Variants in BLOC1S2 observed in about 807,000 individuals in gnomAD.
BLOC1S2 encodes the protein biogenesis of lysosomal organelles complex 1 subunit 2.
A neutral mutation model predicts 19.6 loss-of-function variants in BLOC1S2; 12 were observed. The observed-to-expected ratio is 0.61, with a 90% CI of 0.39 to 0.99. The LOEUF is 0.99. Among genes scored for constraint, BLOC1S2 ranks in the 50% least tolerant of loss-of-function variants. BLOC1S2 has a pLI of 0.00. For synonymous variants in BLOC1S2, 66 were observed against 64.1 expected (o/e 1.03, Z -0.14); for missense variants, 142 against 171.0 (o/e 0.83, Z 0.95).
In BLOC1S2 at chr10:100,286,215, T is replaced by C; in HGVS notation, c.56-2A>G. 6.2e-7 allele frequency: 1 copy of C among 1,613,816 alleles called. No individual in the cohort carries two copies. Among genetic ancestry groups the C allele is most frequent in the Non-Finnish European group, 8.5e-7 (1 of 1,179,852 alleles). On this transcript the variant is annotated splice_acceptor_variant, in intron 1 of 4. Coordinates refer to ENST00000370372, the MANE Select transcript of BLOC1S2 (RefSeq NM_173809.5). LOFTEE classifies it high-confidence loss of function. ...CAGCTGTCTCCACGGCGGCATCGTC[T>C]GGGCCAAGGGAGAATGACTAAGTGT...
In BLOC1S2 at chr10:100,286,139, T is replaced by G; in HGVS notation, c.130A>C (p.Met44Leu). The change falls in exon 2 of 5, where the codon ATG becomes CTG. Residue 44 changes from methionine (M) to leucine (L), a missense_variant. By Grantham distance (15) the Met-to-Leu change is conservative. This residue lies in a region of BLOC1S2 where 94 missense variants were observed against 141.3 expected (regional missense o/e 0.67). Coordinates refer to ENST00000370372, the MANE Select transcript of BLOC1S2 (RefSeq NM_173809.5). ...AGGTAAGTGGCCATTTTGGAGAACA[T>G]GTCCCGGCAGAGCTCAGTGATGTCA... The part of the protein sequence containing the change: ...EADITELCRD[M>L]FSKMATYLTG... 2 of 1,614,052 alleles carry G rather than the reference T, an allele frequency of 1.2e-6. No individual in the cohort carries two copies. Among genetic ancestry groups the G allele is most frequent in the Non-Finnish European group, 1.7e-6 (2 of 1,179,972 alleles).
rs1373556241 is a variant in BLOC1S2, at chr10:100,276,309, C to CCTCTCCCGTCTCCCTCTCT, written c.398-835_398-817dup. On this transcript the variant is annotated intron_variant, in intron 4 of 4. Transcript: ENST00000370372. ...TCAGGCCCGTCTCCCTCTCCATCTC[C>CCTCTCCCGTCTCCCTCTCT]CTCTCCCGTCTCCCTCTCTCTCTCC... is the stretch of plus-strand genomic sequence containing the variant. 4.1e-5 allele frequency among the ~76,000 whole-genome samples: 5 copies of CCTCTCCCGTCTCCCTCTCT among 122,056 alleles called. 1 individual carries two copies. The South Asian group carries it at 9.8e-4, about 24-fold the overall frequency. 80.1% of individuals were successfully genotyped at this position (122,056 alleles called of 152,430 possible).
chr10:100,285,638 G>T (rs1055338123), intron 2 of BLOC1S2, among the ~76,000 whole-genome samples: 2 of 152,188 alleles, frequency 1.3e-5, no homozygotes, highest in African/African-American at 4.8e-5. Context: ...CCAAAGGATG[G>T]GTTATCAAAT....
At chr10:100,282,118 A>G (rs1848124469) in intron 2 of BLOC1S2, among the ~76,000 whole-genome samples, 1 of 151,880 alleles carries the variant, frequency 6.6e-6, no homozygotes, top group Admixed American at 6.6e-5. Flanking sequence ...CTCTTCAATC[A>G]TCTCCTTTCA....
chr10:100,274,811 C>A lies in BLOC1S2; in HGVS notation c.*651G>T, dbSNP rs1296174598. The A allele has an allele frequency of 2.5e-6, 1 of 396,478 alleles. No individual in the cohort carries two copies. Among genetic ancestry groups the A allele is most frequent in the Non-Finnish European group, 4.4e-6 (1 of 225,330 alleles). The allele number at this position is 396,478 out of a possible 1,614,324, so 24.6% of individuals were successfully genotyped here. On this transcript the variant is annotated 3_prime_UTR_variant, in exon 5 of 5. Transcript: ENST00000370372. ...TTCATCACATTTCCCAAACTGATCGCATGTCAATGTGACTCACATAGAAAA... is the reference window on the plus strand; with the variant it reads ...TTCATCACATTTCCCAAACTGATCGAATGTCAATGTGACTCACATAGAAAA...
At position 100,277,575 on chromosome 10, in the gene BLOC1S2, C is replaced by T. The variant is rs1255506908; in HGVS notation, c.398-2082G>A. On this transcript the variant is annotated intron_variant, in intron 4 of 4. Coordinates refer to ENST00000370372, the MANE Select transcript of BLOC1S2 (RefSeq NM_173809.5). ...GAGGTGGGGGGGTCAGCCCCCCGCC[C>T]GGCCAGCCGCTCCGTCCGGGAGGGA... is the stretch of plus-strand genomic sequence containing the variant. Among the ~76,000 whole-genome samples the T allele has an allele frequency of 2.5e-5, 3 of 119,052 alleles. No homozygotes were observed. In the East Asian group the frequency reaches 7.8e-4, roughly 31 times the overall value. 78.1% of individuals were successfully genotyped at this position (119,052 alleles called of 152,430 possible).
At chr10:100,278,988 G>A (rs572921102) in intron 4 of BLOC1S2, among the ~76,000 whole-genome samples, 20 of 152,156 alleles carry the variant, frequency 1.3e-4, no homozygotes, top group Middle Eastern at 3.4e-3. Flanking sequence ...TCAGGAGGCT[G>A]AGGAAGGAGG....
rs1057495164 is a variant in BLOC1S2, at chr10:100,281,717, C to T, written c.173-664G>A. On this transcript the variant is annotated intron_variant, in intron 2 of 4. Coordinates refer to ENST00000370372, the MANE Select transcript of BLOC1S2 (RefSeq NM_173809.5). ...AAATATATATATATACACATACACACACACACACACACACACACACACACA... is the reference window on the plus strand; with the variant it reads ...AAATATATATATATACACATACACATACACACACACACACACACACACACA... 9.6e-3 allele frequency among the ~76,000 whole-genome samples: 1,409 copies of T among 146,982 alleles called. 20 individuals are homozygous for T. The highest frequency in any genetic ancestry group is 0.034 in the African/African-American group (1,339 of 38,904).
At chr10:100,277,964 G>T (rs1239062909) in intron 4 of BLOC1S2, among the ~76,000 whole-genome samples, 1 of 107,236 alleles carries the variant, frequency 9.3e-6, no homozygotes. Context: ...ACTGGGAAGT[G>T]AGGAGCCCCT....
In BLOC1S2 at chr10:100,274,830, T is replaced by C. The variant is rs148896290; in HGVS notation, c.*632A>G. The stretch of plus-strand genomic sequence containing the variant: ...TGATCGCATGTCAATGTGACTCACA[T>C]AGAAAATAAACAAGAGGGGCCCATC... On this transcript the variant is annotated 3_prime_UTR_variant, in exon 5 of 5. Transcript: ENST00000370372. 4 of 396,976 alleles carry C rather than the reference T, an allele frequency of 1.0e-5. No individual in the cohort carries two copies. Among genetic ancestry groups the C allele is most frequent in the African/African-American group, 8.2e-5 (4 of 48,616 alleles). The allele number at this position is 396,976 out of a possible 1,614,324, so 24.6% of individuals were successfully genotyped here.
chr10:100,277,254 C>T (rs1241629808), intron 4 of BLOC1S2, among the ~76,000 whole-genome samples: 8 of 149,210 alleles, frequency 5.4e-5, no homozygotes, highest in African/African-American at 1.7e-4. Context: ...AAGTGAGGAG[C>T]CCCTCCGCCT....
chr10:100,286,676 T>G lies in BLOC1S2; in HGVS notation c.-17A>C. The stretch of plus-strand genomic sequence containing the variant: ...CGCCGCCATAGCGGACCCCGCGCTG[T>G]TTCCGGGCCGGGGTGCTGCGCATGC... On this transcript the variant is annotated 5_prime_UTR_variant, in exon 1 of 5. Coordinates refer to ENST00000370372, the MANE Select transcript of BLOC1S2 (RefSeq NM_173809.5). 1 of 1,607,764 alleles carries G rather than the reference T, an allele frequency of 6.2e-7. No individual in the cohort carries two copies. The highest frequency in any genetic ancestry group is 8.5e-7 in the Non-Finnish European group (1 of 1,177,164).
At chr10:100,279,699 G>GT (rs1848052093) in intron 4 of BLOC1S2, among the ~76,000 whole-genome samples, 1 of 152,110 alleles carries the variant, frequency 6.6e-6, no homozygotes, top group African/African-American at 2.4e-5. Flanking sequence ...ACCAACATGA[G>GT]AGACCCTGTC....
intron 2 of BLOC1S2, among the ~76,000 whole-genome samples, chr10:100,281,440 C>T (rs889316747): frequency 6.6e-6 from 1 of 152,056 alleles, no homozygotes; most frequent in Non-Finnish European, 1.5e-5. Context: ...AATCCCAGCA[C>T]TTTGGGAAGC....
chr10:100,284,365 TAATC>T (rs1848183409), intron 2 of BLOC1S2, among the ~76,000 whole-genome samples: 1 of 152,142 alleles, frequency 6.6e-6, no homozygotes, highest in Non-Finnish European at 1.5e-5. Flanking sequence ...AACAAACAAA[TAATC>T]AGGCTGATAA....
intron 4 of BLOC1S2, 105 bp downstream of exon 4, chr10:100,280,016 TTAA>T (rs533245394): frequency 1.6e-6 from 1 of 639,008 alleles, no homozygotes; most frequent in Non-Finnish European, 2.6e-6. Flanking sequence ...TTTGTGAAGA[TTAA>T]TAGATCACTG....
chr10:100,280,976 C>T lies in BLOC1S2; in HGVS notation c.250G>A (p.Ala84Thr), dbSNP rs1848087948. The change falls in exon 3 of 5, where the codon GCT becomes ACT. Residue 84 changes from alanine (A) to threonine (T), a missense_variant. This residue lies in a region of BLOC1S2 where 94 missense variants were observed against 141.3 expected (regional missense o/e 0.67). Transcript: ENST00000370372. ...SLKYLEMKDI[A>T]INISRNLKDL... ...TTTAAGTTCCTACTAATGTTTATAGCAATATCTTTCATTTCAAGATACTTC... is the reference window on the plus strand; with the variant it reads ...TTTAAGTTCCTACTAATGTTTATAGTAATATCTTTCATTTCAAGATACTTC... 1.2e-6 allele frequency: 2 copies of T among 1,613,452 alleles called. No homozygotes were observed. The highest frequency in any genetic ancestry group is 1.7e-6 in the Non-Finnish European group (2 of 1,179,730).
chr10:100,277,037 C>T, intron 4 of BLOC1S2, among the ~76,000 whole-genome samples: 1 of 151,248 alleles, frequency 6.6e-6, no homozygotes, highest in South Asian at 2.1e-4. Flanking sequence ...TGCCCGGCCG[C>T]CATCCCACCT....
chr10:100,279,184 T>C (rs1048588915), intron 4 of BLOC1S2, among the ~76,000 whole-genome samples: 26 of 152,176 alleles, frequency 1.7e-4, no homozygotes, highest in Admixed American at 1.4e-3. Flanking sequence ...AGCAAACCAC[T>C]AGTACTAAAA....
Sources: allele counts gnomAD v4.1 joint callset (sites outside exome capture counted in the v4.1 genomes callset), GRCh38; gene constraint gnomAD v4.1.1; regional missense constraint gnomAD v4.1.1; transcripts MANE v1.5; gene names NCBI Gene and HGNC (gene_info 2026-07-23, HGNC 2026-07-21).